The following DAAM2 variants were observed in gnomAD, a reference collection of about 807,000 sequenced individuals.
DAAM2 encodes dishevelled associated activator of morphogenesis 2, also known as disheveled-associated activator of morphogenesis 2.
Under a neutral mutation model 120.7 loss-of-function variants are expected in DAAM2, and 39 were observed. The ratio of observed to expected loss-of-function variants is 0.32; its 90% CI spans 0.25 to 0.42. The LOEUF (loss-of-function observed/expected upper bound fraction) is 0.42. Ranked by LOEUF, DAAM2 falls within the 10% of genes least tolerant of loss-of-function variation. The probability of loss-of-function intolerance (pLI) is 1.00; values close to 1 mark genes in which losing one functional copy is unlikely to be tolerated. For missense variants in DAAM2, 1,283 were observed against 1,401.7 expected (o/e 0.92, Z 1.35); for synonymous variants, 488 against 524.9 (o/e 0.93, Z 0.96).
intron 1 of DAAM2, among the ~76,000 whole-genome samples, chr6:39,844,947 T>C (rs1418503600): frequency 6.8e-6 from 1 of 147,280 alleles, no homozygotes. Context: ...ACCACACATA[T>C]ACACCATACA....
chr6:39,803,822 C>G (rs1390326059), intron 1 of DAAM2, among the ~76,000 whole-genome samples: 1 of 152,142 alleles, frequency 6.6e-6, no homozygotes, highest in African/African-American at 2.4e-5. Flanking sequence ...ACTCAGTGAC[C>G]TTGGGAAGCC....
intron 1 of DAAM2, among the ~76,000 whole-genome samples, chr6:39,797,002 A>G (rs1761721835): frequency 6.6e-6 from 1 of 152,250 alleles, no homozygotes; most frequent in African/African-American, 2.4e-5. Flanking sequence ...GTCAAAGTAA[A>G]TAAGCCACTT....
rs1766615416 is a variant in DAAM2 at position 39,903,700 on chromosome 6, C to A, written c.*1663C>A. 6.0e-6 allele frequency: 1 copy of A among 166,030 alleles called. No homozygotes were observed. Among genetic ancestry groups the A allele is most frequent in the Non-Finnish European group, 1.3e-5 (1 of 75,968 alleles). The allele number at this position is 166,030 out of a possible 1,614,324, so 10.3% of individuals were successfully genotyped here. The stretch of plus-strand genomic sequence containing the variant: ...GGGCCTACTCTCAGCTGCCTATCTT[C>A]TGCCTTTCACTTGCATCCAACTCCT... On this transcript the variant is annotated 3_prime_UTR_variant, in exon 25 of 25. Transcript: ENST00000274867.
intron 1 of DAAM2, among the ~76,000 whole-genome samples, chr6:39,817,728 C>T (rs879358538): frequency 5.3e-5 from 8 of 152,304 alleles, no homozygotes; most frequent in Admixed American, 2.0e-4. Context: ...CAGCTCAAGA[C>T]TGAAGGCAGT....
intron 3 of DAAM2, chr6:39,862,409 G>A (rs752414420): frequency 2.6e-5 from 4 of 152,064 alleles, no homozygotes; most frequent in African/African-American, 9.7e-5. Context: ...AATTTCAGGC[G>A]TAATTAATCA....
chr6:39,866,069 G>A (rs1764418934), intron 5 of DAAM2, among the ~76,000 whole-genome samples: 1 of 152,226 alleles, frequency 6.6e-6, no homozygotes, highest in South Asian at 2.1e-4. Context: ...ATTGCATGGG[G>A]ATGTGTATGT....
intron 1 of DAAM2, among the ~76,000 whole-genome samples, chr6:39,815,968 A>G (rs1160652996): frequency 6.6e-6 from 1 of 152,212 alleles, no homozygotes; most frequent in Non-Finnish European, 1.5e-5. Flanking sequence ...ATCCAAAGAC[A>G]ACTTCTAAAG....
chr6:39,904,775 T>C lies in DAAM2; in HGVS notation c.*2738T>C, dbSNP rs929012656. 2 of 454,044 alleles carry C rather than the reference T, an allele frequency of 4.4e-6. No homozygotes were observed. The highest frequency in any genetic ancestry group is 8.8e-6 in the Non-Finnish European group (2 of 226,806). 28.1% of individuals were successfully genotyped at this position (454,044 alleles called of 1,614,324 possible). ...TGCCTCAGATGACAAATGAGGCTAA[T>C]GGACATAATCTACAGTGTCCTTTTT... On this transcript the variant is annotated 3_prime_UTR_variant, in exon 25 of 25. Coordinates refer to ENST00000274867, the MANE Select transcript of DAAM2 (RefSeq NM_001201427.2).
intron 1 of DAAM2, among the ~76,000 whole-genome samples, chr6:39,831,955 T>C (rs1582638925): frequency 4.8e-5 from 2 of 42,032 alleles, no homozygotes. Flanking sequence ...CACTGGAGGG[T>C]AGGTGCACTG....
intron 4 of DAAM2, 128 bp from the exon 5 acceptor site, chr6:39,864,852 C>T: frequency 8.5e-7 from 1 of 1,174,954 alleles, no homozygotes; most frequent in Non-Finnish European, 1.2e-6. Context: ...GGGGCCGACA[C>T]TCGGTCTCAG....
chr6:39,873,207 C>G (rs753883659), intron 9 of DAAM2, 31 bp from the exon 10 acceptor site: 1 of 1,414,952 alleles, frequency 7.1e-7, no homozygotes, highest in Admixed American at 1.8e-5. Flanking sequence ...TGCTGCCTAC[C>G]CACTGATCAC....
At position 39,884,063 on chromosome 6, in the gene DAAM2, G is replaced by A. The variant is rs1321834667; in HGVS notation, c.1947G>A (p.Arg649=). 9 of 1,586,754 alleles carry A rather than the reference G, an allele frequency of 5.7e-6. No homozygotes were observed. Among genetic ancestry groups the A allele is most frequent in the Non-Finnish European group, 7.8e-6 (9 of 1,157,966 alleles). Residue 649 remains arginine (R), a synonymous_variant, in exon 15 of 25, where the codon AGG becomes AGA. Coordinates refer to ENST00000274867, the MANE Select transcript of DAAM2 (RefSeq NM_001201427.2). The part of the protein sequence containing the change: ...DFEKMFSAYQ[R]HQKELGSTED... ...AAAAGATGTTTTCAGCCTACCAGAGGCACCAGGTAAGACCCTATACCCTCT... is the reference window on the plus strand; with the variant it reads ...AAAAGATGTTTTCAGCCTACCAGAGACACCAGGTAAGACCCTATACCCTCT...
chr6:39,881,649 G>T (rs905739372), intron 14 of DAAM2, among the ~76,000 whole-genome samples: 1 of 152,072 alleles, frequency 6.6e-6, no homozygotes, highest in African/African-American at 2.4e-5. Flanking sequence ...GGGGGCGGAG[G>T]TTGTAATGAA....
intron 15 of DAAM2, chr6:39,885,285 T>C (rs909089580): frequency 1.3e-5 from 2 of 152,258 alleles, no homozygotes; most frequent in Non-Finnish European, 2.9e-5. Flanking sequence ...CCAGGAGGCA[T>C]TTTTAACCCC....
At chr6:39,856,567 C>A in intron 2 of DAAM2, 97 bp downstream of exon 2, 1 of 1,023,798 alleles carries the variant, frequency 9.8e-7, no homozygotes, top group Non-Finnish European at 1.3e-6. Context: ...CTGGGGTCTC[C>A]ATCTCTCAAA....
chr6:39,889,534 A>G lies in DAAM2; in HGVS notation c.2145+771A>G, dbSNP rs74418499. On this transcript the variant is annotated intron_variant, in intron 17 of 24. Coordinates refer to ENST00000274867, the MANE Select transcript of DAAM2 (RefSeq NM_001201427.2). ...ACATATACCCGCCCTATTGCCTAGT[A>G]ATCCCACTCTTAGGTATAACTCCAG... Among the ~76,000 whole-genome samples the G allele has an allele frequency of 7.9e-4, 121 of 152,276 alleles. 3 individuals are homozygous for G. In the East Asian group the frequency reaches 0.021, roughly 27 times the overall value.
At chr6:39,823,077 C>CT (rs1762544678) in intron 1 of DAAM2, 1 of 152,210 alleles carries the variant, frequency 6.6e-6, no homozygotes. Context: ...ATATAACCTA[C>CT]TATTGGCATG....
chr6:39,832,271 G>T (rs1286218307), intron 1 of DAAM2, among the ~76,000 whole-genome samples: 1 of 151,994 alleles, frequency 6.6e-6, no homozygotes, highest in Non-Finnish European at 1.5e-5. Context: ...CAGTGAGGGG[G>T]TCCCAGAGGC....
chr6:39,815,588 C>G (rs1762283077), intron 1 of DAAM2, among the ~76,000 whole-genome samples: 1 of 151,924 alleles, frequency 6.6e-6, no homozygotes, highest in South Asian at 2.1e-4. Context: ...TGGTGTCATG[C>G]AAACCACGAA....
Sources: gnomAD v4.1 joint callset for allele counts (sites outside exome capture counted in the v4.1 genomes callset) on GRCh38, gnomAD v4.1.1 for gene constraint, MANE v1.5 for transcripts, NCBI Gene and HGNC (gene_info 2026-07-23, HGNC 2026-07-21) for gene names.